Variants in BRIP1 observed in about 807,000 individuals in gnomAD.
BRIP1 encodes Fanconi anemia group J protein.
In BRIP1, 88 loss-of-function variants were observed where a neutral mutation model predicts 119.7. The observed-to-expected ratio is 0.74, with a 90% CI of 0.62 to 0.88. BRIP1 has a LOEUF of 0.88. BRIP1 is among the 40% of genes least tolerant of loss of function. The pLI, the probability that BRIP1 is intolerant of heterozygous loss-of-function variation, is 0.00. For missense variants in BRIP1, 1,259 were observed against 1,455.4 expected (o/e 0.87, Z 2.20); for synonymous variants, 443 against 496.5 (o/e 0.89, Z 1.43).
intron 4 of BRIP1, among the ~76,000 whole-genome samples, chr17:61,849,801 G>T (rs1477195362): frequency 3.3e-5 from 5 of 152,106 alleles, no homozygotes; most frequent in Admixed American, 6.6e-5. Flanking sequence ...CTAGTAGCTT[G>T]CCCAGTATCA....
intron 6 of BRIP1, among the ~76,000 whole-genome samples, chr17:61,817,326 G>C (rs2078251343): frequency 6.6e-6 from 1 of 151,848 alleles, no homozygotes; most frequent in African/African-American, 2.4e-5. Flanking sequence ...TTTCAAAAAG[G>C]CTTTTAAAAA....
chr17:61,779,534 C>T (rs377627107), intron 13 of BRIP1, among the ~76,000 whole-genome samples: 1 of 152,150 alleles, frequency 6.6e-6, no homozygotes, highest in African/African-American at 2.4e-5. Flanking sequence ...GCAGGAGAAC[C>T]GCTGGAACCC....
rs2078536713 is a variant in BRIP1, at chr17:61,834,238, G to A, written c.627+12863C>T. 6.6e-6 allele frequency among the ~76,000 whole-genome samples: 1 copy of A among 152,180 alleles called. No individual in the cohort carries two copies. The highest frequency in any genetic ancestry group is 2.4e-5 in the African/African-American group (1 of 41,520). ...CTATAATCCTAATTTTGTGTGTGGG[G>A]AGGGAGTATATATGTAATATATGTG... is the stretch of plus-strand genomic sequence containing the variant. On this transcript the variant is annotated intron_variant, in intron 6 of 19. Coordinates refer to ENST00000259008, the MANE Select transcript of BRIP1 (RefSeq NM_032043.3). The surrounding 1 kb of genome is among the most constrained non-coding windows in gnomAD (Gnocchi z 4.4).
At chr17:61,784,493 T>C in intron 10 of BRIP1, 69 bp from the exon 11 acceptor site, 1 of 1,409,082 alleles carries the variant, frequency 7.1e-7, no homozygotes, top group Non-Finnish European at 9.9e-7. Flanking sequence ...TTCTCAAAAA[T>C]ACAATGAAAC....
chr17:61,778,600 G>A lies in BRIP1; in HGVS notation c.1935+1661C>T, dbSNP rs2077569955. 6.6e-6 allele frequency among the ~76,000 whole-genome samples: 1 copy of A among 152,154 alleles called. No individual in the cohort carries two copies. The highest frequency in any genetic ancestry group is 1.5e-5 in the Non-Finnish European group (1 of 68,032). On this transcript the variant is annotated intron_variant, in intron 13 of 19. Transcript: ENST00000259008. The surrounding 1 kb of genome is among the most constrained non-coding windows in gnomAD (Gnocchi z 4.4). ...ATTCAGCGACATTATAGGTTAAATG[G>A]ACTTTTGTGCAGTAGGCTGAGAACA...
chr17:61,717,033 C>T lies in BRIP1; in HGVS notation c.2380-970G>A, dbSNP rs916620359. 6.6e-6 allele frequency among the ~76,000 whole-genome samples: 1 copy of T among 151,934 alleles called. No homozygotes were observed. The highest frequency in any genetic ancestry group is 1.5e-5 in the Non-Finnish European group (1 of 67,918). ...TTATACATGCTATAAACCCATAAAACATTTTGATTATGCTTTAAACAGTAC... is the reference window on the plus strand; with the variant it reads ...TTATACATGCTATAAACCCATAAAATATTTTGATTATGCTTTAAACAGTAC... On this transcript the variant is annotated intron_variant, in intron 16 of 19. Transcript: ENST00000259008. The surrounding 1 kb of genome is among the most constrained non-coding windows in gnomAD (Gnocchi z 4.1).
chr17:61,693,352 C>T lies in BRIP1; in HGVS notation c.2575+78G>A, dbSNP rs533746850. The T allele has an allele frequency of 8.4e-5, 104 of 1,236,260 alleles. No homozygotes were observed. In the African/African-American group the frequency reaches 1.5e-3, roughly 17 times the overall value. The allele number at this position is 1,236,260 out of a possible 1,614,324, so 76.6% of individuals were successfully genotyped here. On this transcript the variant is annotated intron_variant, in intron 18 of 19. Transcript: ENST00000259008. The surrounding 1 kb of genome is among the most constrained non-coding windows in gnomAD (Gnocchi z 4.2). ...GTGCACTTAATAAGATAGTAGAGCT[C>T]ATGTTATGTGTTTTTCACCACAATA...
At position 61,831,554 on chromosome 17, in the gene BRIP1, A is replaced by G. The variant is rs547027198; in HGVS notation, c.627+15547T>C. ...CTTCAAGTTTCATCTATGTTGTAGT[A>G]CATGTCAGAATTTCCTTCCTTTTAA... On this transcript the variant is annotated intron_variant, in intron 6 of 19. Coordinates refer to ENST00000259008, the MANE Select transcript of BRIP1 (RefSeq NM_032043.3). The surrounding 1 kb of genome is among the most constrained non-coding windows in gnomAD (Gnocchi z 4.1). 6.6e-6 allele frequency among the ~76,000 whole-genome samples: 1 copy of G among 152,358 alleles called. No individual in the cohort carries two copies. The highest frequency in any genetic ancestry group is 6.5e-5 in the Admixed American group (1 of 15,300).
intron 17 of BRIP1, among the ~76,000 whole-genome samples, chr17:61,714,079 G>C (rs1396297174): frequency 6.6e-6 from 1 of 152,156 alleles, no homozygotes; most frequent in African/African-American, 2.4e-5. Context: ...GGGAGGCTAA[G>C]GTGAGAGGAC....
intron 6 of BRIP1, among the ~76,000 whole-genome samples, chr17:61,812,653 C>T (rs2078180523): frequency 6.6e-6 from 1 of 150,826 alleles, no homozygotes; most frequent in Non-Finnish European, 1.5e-5. Context: ...ATAATATTTC[C>T]ATGTGCAGTA....
intron 6 of BRIP1, among the ~76,000 whole-genome samples, chr17:61,813,040 T>C (rs1331727701): frequency 6.6e-6 from 1 of 152,060 alleles, no homozygotes; most frequent in Non-Finnish European, 1.5e-5. Flanking sequence ...TTTTTAGAAA[T>C]GGAAAATGAT....
At chr17:61,850,823 T>A (rs1252183551) in intron 4 of BRIP1, among the ~76,000 whole-genome samples, 3 of 150,504 alleles carry the variant, frequency 2.0e-5, no homozygotes, top group Non-Finnish European at 3.0e-5. Context: ...CAAGACTCTA[T>A]GTCTCCAAAA....
In BRIP1 at chr17:61,795,129, G is replaced by A. The variant is rs2077880245; in HGVS notation, c.1341-1400C>T. Among the ~76,000 whole-genome samples, 1 of 152,010 alleles carries A rather than the reference G, an allele frequency of 6.6e-6. No individual in the cohort carries two copies. Among genetic ancestry groups the A allele is most frequent in the Admixed American group, 6.6e-5 (1 of 15,244 alleles). ...TTTAATTTTCGTGGGTACATAGTAG[G>A]TGTATATATTTATGGGGTACATGTT... On this transcript the variant is annotated intron_variant, in intron 9 of 19. Coordinates refer to ENST00000259008, the MANE Select transcript of BRIP1 (RefSeq NM_032043.3). The surrounding 1 kb of genome is among the most constrained non-coding windows in gnomAD (Gnocchi z 5.6).
chr17:61,817,507 T>G (rs1345311067), intron 6 of BRIP1, among the ~76,000 whole-genome samples: 2 of 152,216 alleles, frequency 1.3e-5, no homozygotes, highest in Non-Finnish European at 2.9e-5. Flanking sequence ...AGATTTGTGC[T>G]TCTATGGGCT....
chr17:61,856,998 A>C lies in BRIP1; in HGVS notation c.379+60T>G. ...AAACTTATATAAATTAGGGCTTATA[A>C]CAGTAATAATTAAGACTCTTATTAC... On this transcript the variant is annotated intron_variant, in intron 4 of 19. Coordinates refer to ENST00000259008, the MANE Select transcript of BRIP1 (RefSeq NM_032043.3). The surrounding 1 kb of genome is among the most constrained non-coding windows in gnomAD (Gnocchi z 5.1). The C allele has an allele frequency of 1.4e-6, 2 of 1,481,252 alleles. No individual in the cohort carries two copies. Among genetic ancestry groups the C allele is most frequent in the South Asian group, 2.3e-5 (2 of 88,272 alleles). 91.8% of individuals were successfully genotyped at this position (1,481,252 alleles called of 1,614,324 possible). A position where few individuals can be genotyped will look rare whatever the true frequency, so the allele number is the denominator to read the frequency against.
At chr17:61,712,450 G>A (rs2061792947) in intron 17 of BRIP1, among the ~76,000 whole-genome samples, 3 of 151,868 alleles carry the variant, frequency 2.0e-5, no homozygotes, top group African/African-American at 7.3e-5. Context: ...CTGACCTCAG[G>A]TGATCCACCC....
chr17:61,719,079 A>T (rs928265726), intron 16 of BRIP1, among the ~76,000 whole-genome samples: 4 of 152,106 alleles, frequency 2.6e-5, no homozygotes, highest in African/African-American at 7.2e-5. Flanking sequence ...AGAACCCATA[A>T]ATACAGAGGG....
At position 61,776,581 on chromosome 17, in the gene BRIP1, A is replaced by ATTATTAGAG. The variant is rs2145035178; in HGVS notation, c.1936-28_1936-20dup. On this transcript the variant is annotated intron_variant, in intron 13 of 19. Transcript: ENST00000259008. The surrounding 1 kb of genome is among the most constrained non-coding windows in gnomAD (Gnocchi z 5.0). Reference sequence around the variant, plus strand: ...CCCAAACCTAGAATATGAATATGTCATTATTAGAGTTATGCCTGAAAAAGG... The same window carrying ATTATTAGAG: ...CCCAAACCTAGAATATGAATATGTCATTATTAGAGTTATTAGAGTTATGCCTGAAAAAGG... 6.2e-7 allele frequency: 1 copy of ATTATTAGAG among 1,612,724 alleles called. No individual in the cohort carries two copies. The highest frequency in any genetic ancestry group is 1.3e-5 in the African/African-American group (1 of 75,044).
In BRIP1 at chr17:61,706,373, C is replaced by T. The variant is rs919155019; in HGVS notation, c.2492+9578G>A. On this transcript the variant is annotated intron_variant, in intron 17 of 19. Coordinates refer to ENST00000259008, the MANE Select transcript of BRIP1 (RefSeq NM_032043.3). This position sits in a 1 kb window ranked among gnomAD's most constrained non-coding sequence, Gnocchi z 5.7. ...TATGCTTACTTCATCTTTTCTAGGA[C>T]TGAAACGCCCAAACTATTTTTTAAA... is the stretch of plus-strand genomic sequence containing the variant. Among the ~76,000 whole-genome samples, 1 of 152,126 alleles carries T rather than the reference C, an allele frequency of 6.6e-6. No individual in the cohort carries two copies. The highest frequency in any genetic ancestry group is 6.5e-5 in the Admixed American group (1 of 15,276).
Sources: allele counts gnomAD v4.1 joint callset (sites outside exome capture counted in the v4.1 genomes callset), GRCh38; gene constraint gnomAD v4.1.1; non-coding constraint Gnocchi (gnomAD v3.1); transcripts MANE v1.5; gene names NCBI Gene and HGNC (gene_info 2026-07-23, HGNC 2026-07-21).